Variants in SGCZ observed in about 807,000 individuals in gnomAD.
SGCZ encodes zeta-sarcoglycan.
Under a neutral mutation model 41.3 loss-of-function variants are expected in SGCZ, and 40 were observed. The ratio of observed to expected loss-of-function variants is 0.97; its 90% CI spans 0.75 to 1.26. The LOEUF (loss-of-function observed/expected upper bound fraction) is 1.26, where lower values mean the gene tolerates loss of function less well. Among genes scored for constraint, SGCZ ranks in the 50% most tolerant of loss-of-function variants. SGCZ has a pLI of 0.00. For synonymous variants in SGCZ, 206 were observed against 137.5 expected, an observed-to-expected ratio of 1.50 and a Z score of -3.49; for missense variants, 552 against 369.8, an observed-to-expected ratio of 1.49 and a Z score of -4.04.
intron 1 of SGCZ, among the ~76,000 whole-genome samples, chr8:15,225,196 A>T (rs952993017): frequency 1.3e-5 from 2 of 152,126 alleles, no homozygotes; most frequent in Non-Finnish European, 2.9e-5. Context: ...CCCCTTAGCA[A>T]TTTTCAACAA....
rs530475477 is a variant in SGCZ, at chr8:14,310,854, G to C, written c.336+13249C>G. 1.1e-4 allele frequency among the ~76,000 whole-genome samples: 16 copies of C among 152,216 alleles called. No individual in the cohort carries two copies. In the East Asian group the frequency reaches 1.7e-3, roughly 17 times the overall value. On this transcript the variant is annotated intron_variant, in intron 3 of 7. Transcript: ENST00000382080. ...AGAAAATTCGGAAAAACCAGTAGTA[G>C]CAAGCTTCAGAGTCTCAGGGTAGAC...
At chr8:14,766,056 G>T (rs796381230) in intron 1 of SGCZ, among the ~76,000 whole-genome samples, 2 of 150,424 alleles carry the variant, frequency 1.3e-5, no homozygotes, top group Non-Finnish European at 3.0e-5. Context: ...TCCACCTCCC[G>T]GGTTCAAGCA....
At chr8:14,273,520 A>G (rs1482134322) in intron 3 of SGCZ, among the ~76,000 whole-genome samples, 1 of 152,148 alleles carries the variant, frequency 6.6e-6, no homozygotes, top group African/African-American at 2.4e-5. Flanking sequence ...GGATTTCCCA[A>G]TCCTCACAGA....
At position 15,198,118 on chromosome 8, in the gene SGCZ, G is replaced by A. The variant is rs1397919514; in HGVS notation, c.39+39467C>T. On this transcript the variant is annotated intron_variant, in intron 1 of 7. Transcript: ENST00000382080. ...GATTTATAATTAATGATATAATTAT[G>A]TGTCAAGAAAGAGAAACAGAGACTA... 4.0e-5 allele frequency among the ~76,000 whole-genome samples: 6 copies of A among 150,384 alleles called. No homozygotes were observed. In the South Asian group the frequency reaches 1.0e-3, roughly 26 times the overall value.
intron 2 of SGCZ, among the ~76,000 whole-genome samples, chr8:14,383,614 T>G (rs1804453553): frequency 6.6e-6 from 1 of 152,218 alleles, no homozygotes; most frequent in Admixed American, 6.5e-5. Context: ...AAAGATCACT[T>G]CACACTAACG....
At chr8:14,836,473 C>T (rs79412231) in intron 1 of SGCZ, among the ~76,000 whole-genome samples, 7,224 of 152,222 alleles carry the variant, frequency 0.047, 191 homozygotes, top group African/African-American at 0.064. Flanking sequence ...CTGTCGCCCT[C>T]CCTCTCTGCA....
At chr8:14,208,056 T>A (rs1805676071) in intron 4 of SGCZ, among the ~76,000 whole-genome samples, 1 of 152,294 alleles carries the variant, frequency 6.6e-6, no homozygotes, top group Admixed American at 6.5e-5. Flanking sequence ...TTAAATCCAA[T>A]CAACTTTCAT....
chr8:14,967,726 G>A (rs576147377), intron 1 of SGCZ, among the ~76,000 whole-genome samples: 1 of 152,182 alleles, frequency 6.6e-6, no homozygotes, highest in African/African-American at 2.4e-5. Context: ...ATAGAGAAAG[G>A]AACCATGCCT....
intron 1 of SGCZ, among the ~76,000 whole-genome samples, chr8:15,200,414 C>T (rs1366543027): frequency 6.6e-6 from 1 of 152,100 alleles, no homozygotes; most frequent in Non-Finnish European, 1.5e-5. Flanking sequence ...AGAAGATGGC[C>T]TAGCTGTCCC....
chr8:14,238,864 G>A (rs1371154697), intron 3 of SGCZ, among the ~76,000 whole-genome samples: 2 of 151,870 alleles, frequency 1.3e-5, no homozygotes, highest in African/African-American at 4.8e-5. Flanking sequence ...CATCTAGGCA[G>A]TATGTCACGT....
intron 1 of SGCZ, among the ~76,000 whole-genome samples, chr8:15,032,467 T>G (rs543321684): frequency 6.6e-6 from 1 of 151,882 alleles, no homozygotes; most frequent in African/African-American, 2.4e-5. Context: ...CCAGGCCCAC[T>G]CTAGTAAAAT....
intron 4 of SGCZ, among the ~76,000 whole-genome samples, chr8:14,187,801 G>A (rs1171191157): frequency 6.6e-6 from 1 of 151,984 alleles, no homozygotes; most frequent in Non-Finnish European, 1.5e-5. Flanking sequence ...ATTCCTTAAA[G>A]TTTATTGAAA....
chr8:14,102,718 T>C (rs1802072329), intron 6 of SGCZ, among the ~76,000 whole-genome samples: 1 of 152,116 alleles, frequency 6.6e-6, no homozygotes, highest in Non-Finnish European at 1.5e-5. Context: ...TATAAAAATC[T>C]ACATTTATTC....
At chr8:15,200,137 G>A (rs552547632) in intron 1 of SGCZ, among the ~76,000 whole-genome samples, 22 of 152,188 alleles carry the variant, frequency 1.4e-4, no homozygotes, top group African/African-American at 4.6e-4. Context: ...AAACCATCTG[G>A]GTATGTGTTC....
At chr8:14,921,240 C>A (rs557644181) in intron 1 of SGCZ, among the ~76,000 whole-genome samples, 1 of 152,162 alleles carries the variant, frequency 6.6e-6, no homozygotes, top group Non-Finnish European at 1.5e-5. Context: ...CAAATCTCCA[C>A]ATCAATGCCT....
intron 4 of SGCZ, among the ~76,000 whole-genome samples, chr8:14,212,104 G>C (rs1279308600): frequency 6.6e-6 from 1 of 152,032 alleles, no homozygotes; most frequent in Non-Finnish European, 1.5e-5. Context: ...TCTTGTAGCA[G>C]ACGATTACTG....
intron 1 of SGCZ, among the ~76,000 whole-genome samples, chr8:14,766,206 C>T (rs1344648901): frequency 6.6e-6 from 1 of 152,008 alleles, no homozygotes; most frequent in Non-Finnish European, 1.5e-5. Flanking sequence ...GTGATCCGCC[C>T]GCCTCGACTT....
At chr8:14,698,257 A>T (rs971005779) in intron 1 of SGCZ, among the ~76,000 whole-genome samples, 3 of 151,934 alleles carry the variant, frequency 2.0e-5, no homozygotes, top group African/African-American at 4.8e-5. Context: ...GGAGACTCTC[A>T]ACAAACTACA....
In SGCZ at chr8:14,312,484, C is replaced by T. The variant is rs369573579; in HGVS notation, c.336+11619G>A. ...TTTGGCTTCATTATAAGAAATAATACTGTTGGTGCTTGTAATCCTAGCTAC... is the reference window on the plus strand; with the variant it reads ...TTTGGCTTCATTATAAGAAATAATATTGTTGGTGCTTGTAATCCTAGCTAC... On this transcript the variant is annotated intron_variant, in intron 3 of 7. Transcript: ENST00000382080. Among the ~76,000 whole-genome samples the T allele has an allele frequency of 2.1e-3, 319 of 152,196 alleles. 2 individuals are homozygous for T. Among genetic ancestry groups the T allele is most frequent in the African/African-American group, 7.2e-3 (301 of 41,526 alleles).
Sources: allele counts gnomAD v4.1 joint callset (sites outside exome capture counted in the v4.1 genomes callset), GRCh38; gene constraint gnomAD v4.1.1; transcripts MANE v1.5; gene names NCBI Gene and HGNC (gene_info 2026-07-23, HGNC 2026-07-21).